ZRANB3: variants seen among roughly 807,000 people sequenced by gnomAD.
ZRANB3 encodes the protein zinc finger RANBP2-type containing 3.
In ZRANB3, 125 loss-of-function variants were observed where a neutral mutation model predicts 133.8. The observed-to-expected ratio is 0.93, with a 90% CI of 0.81 to 1.08. The LOEUF (loss-of-function observed/expected upper bound fraction) is 1.08. ZRANB3 is among the 50% of genes least tolerant of loss of function. ZRANB3 has a pLI of 0.00. For missense variants in ZRANB3, 1,229 were observed against 1,275.5 expected, an observed-to-expected ratio of 0.96 and a Z score of 0.56; for synonymous variants, 387 against 432.7, an observed-to-expected ratio of 0.89 and a Z score of 1.31.
At chr2:135,272,009 A>G in intron 9 of ZRANB3, 122 bp from the exon 10 acceptor site, 1 of 1,075,590 alleles carries the variant, frequency 9.3e-7, no homozygotes, top group Non-Finnish European at 1.2e-6. Context: ...AAGGTGACAG[A>G]TTGGTAAATG....
chr2:135,278,321 G>T (rs1189791879), intron 8 of ZRANB3, among the ~76,000 whole-genome samples: 1 of 152,104 alleles, frequency 6.6e-6, no homozygotes, highest in African/African-American at 2.4e-5. Context: ...GAGAGAAAAT[G>T]ATTTCCCCAT....
At chr2:135,424,766 T>C (rs1267759790) in intron 2 of ZRANB3, among the ~76,000 whole-genome samples, 1 of 152,024 alleles carries the variant, frequency 6.6e-6, no homozygotes. Flanking sequence ...AATCCCCAAA[T>C]GAAAGGAAAT....
At chr2:135,289,720 T>C (rs1172281514) in intron 8 of ZRANB3, among the ~76,000 whole-genome samples, 1 of 152,104 alleles carries the variant, frequency 6.6e-6, no homozygotes, top group Non-Finnish European at 1.5e-5. Flanking sequence ...CTAGCCAATA[T>C]AGTGAGACCC....
At chr2:135,319,448 TA>T (rs1357711005) in intron 6 of ZRANB3, among the ~76,000 whole-genome samples, 1 of 152,246 alleles carries the variant, frequency 6.6e-6, no homozygotes, top group Non-Finnish European at 1.5e-5. Context: ...TGTTGTTTAT[TA>T]ATGATAATTT....
chr2:135,467,531 T>C (rs59824180), intron 2 of ZRANB3, among the ~76,000 whole-genome samples: 15,858 of 152,240 alleles, frequency 0.1, 1,089 homozygotes, highest in South Asian at 0.32. Context: ...AACTCTAAAT[T>C]GGTGTTCTGG....
intron 2 of ZRANB3, among the ~76,000 whole-genome samples, chr2:135,405,039 G>T (rs1687941305): frequency 1.3e-5 from 2 of 152,102 alleles, no homozygotes; most frequent in Non-Finnish European, 2.9e-5. Context: ...TGGATAAAGA[G>T]TCAAGACCCA....
intron 3 of ZRANB3, among the ~76,000 whole-genome samples, chr2:135,389,401 T>C (rs1394479665): frequency 6.6e-6 from 1 of 152,148 alleles, no homozygotes; most frequent in Non-Finnish European, 1.5e-5. Context: ...TCTCTATTCA[T>C]GTTTTCCTTA....
intron 3 of ZRANB3, among the ~76,000 whole-genome samples, chr2:135,365,595 C>G (rs575454441): frequency 9.9e-5 from 15 of 152,088 alleles, no homozygotes; most frequent in Non-Finnish European, 2.1e-4. Flanking sequence ...TTTACTAACA[C>G]TGAATTTGTT....
At chr2:135,237,430 C>A (rs1400743048) in intron 12 of ZRANB3, among the ~76,000 whole-genome samples, 6 of 152,036 alleles carry the variant, frequency 3.9e-5, no homozygotes, top group African/African-American at 1.5e-4. Flanking sequence ...ACCCAGCCAT[C>A]CCATTACTGG....
At chr2:135,360,409 A>C (rs990227793) in intron 3 of ZRANB3, among the ~76,000 whole-genome samples, 3 of 151,868 alleles carry the variant, frequency 2.0e-5, no homozygotes. Context: ...TAAATAGATA[A>C]AACAAAATAA....
intron 2 of ZRANB3, among the ~76,000 whole-genome samples, chr2:135,438,872 A>AT (rs1416389106): frequency 1.3e-5 from 2 of 152,202 alleles, no homozygotes; most frequent in Non-Finnish European, 2.9e-5. Context: ...TTAATGAAGA[A>AT]CTTTTAAAAA....
intron 2 of ZRANB3, among the ~76,000 whole-genome samples, chr2:135,477,554 T>C (rs996545990): frequency 6.6e-6 from 1 of 152,222 alleles, no homozygotes; most frequent in Non-Finnish European, 1.5e-5. Context: ...CTGGCTGCTA[T>C]CTATTGCCGG....
chr2:135,449,418 G>A (rs144130839), intron 2 of ZRANB3, among the ~76,000 whole-genome samples: 4,833 of 152,156 alleles, frequency 0.032, 247 homozygotes, highest in African/African-American at 0.11. Flanking sequence ...TCAGGAGTTC[G>A]AGACCATCCT....
intron 3 of ZRANB3, among the ~76,000 whole-genome samples, chr2:135,382,644 G>A (rs909178805): frequency 3.3e-5 from 5 of 152,250 alleles, no homozygotes; most frequent in South Asian, 4.2e-4. Context: ...CGGATCTCTC[G>A]GCAGAAACTC....
rs1264376967 is a variant in ZRANB3 at position 135,312,168 on chromosome 2, TTTTA to T, written c.966+1317_966+1320del. ...TTTATTTTATTTTATTTTTATTTTA[TTTTA>T]TTTTATTTTATTTTATTTTTATTTT... On this transcript the variant is annotated intron_variant, in intron 8 of 20. Transcript: ENST00000264159. Among the ~76,000 whole-genome samples, 819 of 142,004 alleles carry T rather than the reference TTTTA, an allele frequency of 5.8e-3. 14 individuals are homozygous for T. Among genetic ancestry groups the T allele is most frequent in the South Asian group, 0.035 (154 of 4,412 alleles). The allele number at this position is 142,004 out of a possible 152,430, so 93.2% of individuals were successfully genotyped here.
intron 2 of ZRANB3, among the ~76,000 whole-genome samples, chr2:135,458,792 G>A (rs1427466110): frequency 6.6e-6 from 1 of 151,988 alleles, no homozygotes; most frequent in East Asian, 1.9e-4. Context: ...TGAGTTGTAG[G>A]GTGATATGTG....
At chr2:135,274,592 AC>A (rs1168048810) in intron 9 of ZRANB3, among the ~76,000 whole-genome samples, 4 of 151,870 alleles carry the variant, frequency 2.6e-5, no homozygotes, top group Non-Finnish European at 4.4e-5. Flanking sequence ...TTTTTTAGCA[AC>A]CTTTTTTTAA....
chr2:135,421,275 A>G (rs1186480393), intron 2 of ZRANB3, among the ~76,000 whole-genome samples: 1 of 152,188 alleles, frequency 6.6e-6, no homozygotes, highest in African/African-American at 2.4e-5. Context: ...AGATTTGGCA[A>G]ATACAATGGA....
Position 135,349,939 on chromosome 2 carries a change from C to A in ZRANB3, c.591+45G>T, listed in dbSNP as rs770003977. ...GGTGGTTGATTCAATACGCCTCCCA[C>A]CCCCCTTCTCTTCTTTTAAGTTCGA... On this transcript the variant is annotated intron_variant, in intron 5 of 20. Transcript: ENST00000264159. The A allele has an allele frequency of 7.7e-6, 12 of 1,563,160 alleles. 1 individual carries two copies. The South Asian group carries it at 1.0e-4, about 13-fold the overall frequency.
Sources: gnomAD v4.1 joint callset for allele counts (sites outside exome capture counted in the v4.1 genomes callset) on GRCh38, gnomAD v4.1.1 for gene constraint, MANE v1.5 for transcripts, NCBI Gene and HGNC (gene_info 2026-07-23, HGNC 2026-07-21) for gene names.